The following RAI14 variants were observed in gnomAD, a reference collection of about 807,000 sequenced individuals.
The protein encoded by RAI14 is ankycorbin.
Under a neutral mutation model 115.4 loss-of-function variants are expected in RAI14, and 45 were observed. The observed-to-expected ratio is 0.39, with a 90% CI of 0.31 to 0.50. The LOEUF is 0.50. Among genes scored for constraint, RAI14 ranks in the 20% least tolerant of loss-of-function variants. The probability of loss-of-function intolerance (pLI) is 0.85; values close to 1 mark genes in which losing one functional copy is unlikely to be tolerated. For missense variants in RAI14, 939 were observed against 1,131.2 expected (o/e 0.83, Z 2.44); for synonymous variants, 371 against 415.4 (o/e 0.89, Z 1.30).
rs1485582219 is a variant in RAI14 at position 34,827,655 on chromosome 5, G to C, written c.2799+1176G>C. ...TAGAAATGGTGGATACTTAGGAGAAGCTGCTCTTTACTGTGTTCTGCAGGT... is the reference window on the plus strand; with the variant it reads ...TAGAAATGGTGGATACTTAGGAGAACCTGCTCTTTACTGTGTTCTGCAGGT... On this transcript the variant is annotated intron_variant, in intron 16 of 17. Coordinates refer to ENST00000265109, the MANE Select transcript of RAI14 (RefSeq NM_015577.3). This position sits in a 1 kb window ranked among gnomAD's most constrained non-coding sequence, Gnocchi z 4.2. Among the ~76,000 whole-genome samples, 1 of 152,210 alleles carries C rather than the reference G, an allele frequency of 6.6e-6. No individual in the cohort carries two copies. Among genetic ancestry groups the C allele is most frequent in the African/African-American group, 2.4e-5 (1 of 41,448 alleles).
intron 2 of RAI14, among the ~76,000 whole-genome samples, chr5:34,741,907 G>A (rs1745565738): frequency 6.6e-6 from 1 of 152,168 alleles, no homozygotes; most frequent in Admixed American, 6.5e-5. Flanking sequence ...CTCTTCCATG[G>A]TTTTATGAAG....
At chr5:34,755,414 C>T (rs1336061647) in intron 2 of RAI14, among the ~76,000 whole-genome samples, 1 of 152,152 alleles carries the variant, frequency 6.6e-6, no homozygotes, top group Admixed American at 6.5e-5. Context: ...TACATGGTGG[C>T]CTCTGGCTAA....
chr5:34,740,608 G>T (rs1469388369), intron 2 of RAI14, among the ~76,000 whole-genome samples: 8 of 152,148 alleles, frequency 5.3e-5, no homozygotes, highest in African/African-American at 2.4e-5. Flanking sequence ...GCCTTCATGG[G>T]CTTGCCTTGG....
chr5:34,821,601 C>A, intron 13 of RAI14, 131 bp from the exon 14 acceptor site: 1 of 609,108 alleles, frequency 1.6e-6, no homozygotes, highest in Non-Finnish European at 2.9e-6. Flanking sequence ...GTTCACCCAT[C>A]CAGCTGCTAG....
chr5:34,659,727 T>A (rs1311764236), intron 1 of RAI14, among the ~76,000 whole-genome samples: 2 of 152,242 alleles, frequency 1.3e-5, no homozygotes, highest in Non-Finnish European at 2.9e-5. Flanking sequence ...TAATGAAGTT[T>A]AGGTAATATT....
At chr5:34,736,161 G>C (rs1485454830) in intron 2 of RAI14, among the ~76,000 whole-genome samples, 1 of 152,218 alleles carries the variant, frequency 6.6e-6, no homozygotes, top group Non-Finnish European at 1.5e-5. Flanking sequence ...AGCACTTTCG[G>C]AGGCCAAGGC....
intron 5 of RAI14, 44 bp from the exon 6 acceptor site, chr5:34,807,756 G>A (rs754782319): frequency 2.1e-6 from 3 of 1,407,798 alleles, no homozygotes; most frequent in South Asian, 2.3e-5. Context: ...TAGAATTGGG[G>A]CAGGGTATTT....
At chr5:34,707,446 G>C (rs190636888) in intron 2 of RAI14, among the ~76,000 whole-genome samples, 1 of 152,162 alleles carries the variant, frequency 6.6e-6, no homozygotes, top group African/African-American at 2.4e-5. Flanking sequence ...CCAGCCTGGC[G>C]ACAGAGCGAG....
At chr5:34,795,721 A>T (rs1393267801) in intron 3 of RAI14, among the ~76,000 whole-genome samples, 1 of 152,128 alleles carries the variant, frequency 6.6e-6, no homozygotes, top group Admixed American at 6.5e-5. Flanking sequence ...TCCATCCCTT[A>T]ACTAAAGCTG....
intron 1 of RAI14, among the ~76,000 whole-genome samples, chr5:34,661,584 A>G (rs1742690492): frequency 6.6e-6 from 1 of 152,098 alleles, no homozygotes; most frequent in South Asian, 2.1e-4. Flanking sequence ...AATCTATGTG[A>G]TTTATCCTAT....
intron 1 of RAI14, 128 bp from the exon 2 acceptor site, chr5:34,686,744 C>T: frequency 2.2e-6 from 1 of 455,956 alleles, no homozygotes; most frequent in Non-Finnish European, 3.9e-6. Flanking sequence ...TACCACTCCT[C>T]AGCTGTTAAC....
chr5:34,752,784 TTG>T lies in RAI14; in HGVS notation c.37-4683_37-4682del, dbSNP rs1240379055. Among the ~76,000 whole-genome samples, 3 of 145,882 alleles carry T rather than the reference TTG, an allele frequency of 2.1e-5. No individual in the cohort carries two copies. The East Asian group carries it at 6.0e-4, about 29-fold the overall frequency. ...ATATATATGTATCTTTTCTTTTTTTTTGAGACAAGGTCTTGGGTTGTCGCCCA... is the reference window on the plus strand; with the variant it reads ...ATATATATGTATCTTTTCTTTTTTTTAGACAAGGTCTTGGGTTGTCGCCCA... On this transcript the variant is annotated intron_variant, in intron 2 of 17. Coordinates refer to ENST00000265109, the MANE Select transcript of RAI14 (RefSeq NM_015577.3).
intron 1 of RAI14, among the ~76,000 whole-genome samples, chr5:34,659,720 TGAA>T (rs1384896622): frequency 6.6e-6 from 1 of 152,238 alleles, no homozygotes; most frequent in Non-Finnish European, 1.5e-5. Flanking sequence ...TGCTGGGTAA[TGAA>T]GTTTAGGTAA....
At chr5:34,672,165 A>T (rs758253888) in intron 1 of RAI14, among the ~76,000 whole-genome samples, 34 of 151,712 alleles carry the variant, frequency 2.2e-4, no homozygotes, top group Non-Finnish European at 4.0e-4. Context: ...CTTTTTATTT[A>T]AAAAAAAACT....
rs1199611132 is a variant in RAI14 at position 34,827,792 on chromosome 5, T to C, written c.2799+1313T>C. On this transcript the variant is annotated intron_variant, in intron 16 of 17. Transcript: ENST00000265109. This position sits in a 1 kb window ranked among gnomAD's most constrained non-coding sequence, Gnocchi z 4.2. ...TGTTTGTTGAGCTCTTACATCAGTA[T>C]TATACATGGGGCTGATGATATAAAA... Among the ~76,000 whole-genome samples the C allele has an allele frequency of 2.0e-5, 3 of 152,218 alleles. No homozygotes were observed.
At position 34,782,744 on chromosome 5, in the gene RAI14, T is replaced by A. The variant is rs114075867; in HGVS notation, c.168-13195T>A. On this transcript the variant is annotated intron_variant, in intron 3 of 17. Coordinates refer to ENST00000265109, the MANE Select transcript of RAI14 (RefSeq NM_015577.3). Reference sequence around the variant, plus strand: ...CAGATAATAGGAACTTTTGCCATATTCCTTATCATTTCTACCATCTGACCA... The same window carrying A: ...CAGATAATAGGAACTTTTGCCATATACCTTATCATTTCTACCATCTGACCA... 6.7e-3 allele frequency among the ~76,000 whole-genome samples: 1,020 copies of A among 152,322 alleles called. 6 individuals are homozygous for A. The highest frequency in any genetic ancestry group is 0.011 in the Non-Finnish European group (724 of 68,014).
In RAI14 at chr5:34,796,046, CTT is replaced by C; in HGVS notation, c.256+20_256+21del. 3.2e-6 allele frequency: 5 copies of C among 1,572,970 alleles called. No homozygotes were observed. Among genetic ancestry groups the C allele is most frequent in the Non-Finnish European group, 4.4e-6 (5 of 1,144,326 alleles). On this transcript the variant is annotated intron_variant, in intron 4 of 17. Transcript: ENST00000265109. ...ACTACCGGTATGTGGTTTTTAGTCT[CTT>C]AAGTCAGCAGGCCAGCACCAGATTA...
chr5:34,738,530 G>A (rs1745136111), intron 2 of RAI14, among the ~76,000 whole-genome samples: 1 of 152,160 alleles, frequency 6.6e-6, no homozygotes, highest in Non-Finnish European at 1.5e-5. Context: ...TCCCTTGTTT[G>A]CTTGGTGTGC....
rs544758183 is a variant in RAI14, at chr5:34,830,640, A to G, written c.2866-48A>G. Reference sequence around the variant, plus strand: ...CTCATTCCCCAGAGAAGAAAGTGCCATGGCTTAATTTAGGTTCTAATGAGT... The same window carrying G: ...CTCATTCCCCAGAGAAGAAAGTGCCGTGGCTTAATTTAGGTTCTAATGAGT... On this transcript the variant is annotated intron_variant, in intron 17 of 17. Transcript: ENST00000265109. The G allele has an allele frequency of 3.1e-6, 5 of 1,612,448 alleles. No individual in the cohort carries two copies. In the East Asian group the frequency reaches 6.7e-5, roughly 22 times the overall value.
Sources: allele counts gnomAD v4.1 joint callset (sites outside exome capture counted in the v4.1 genomes callset), GRCh38; gene constraint gnomAD v4.1.1; non-coding constraint Gnocchi (gnomAD v3.1); transcripts MANE v1.5; gene names NCBI Gene and HGNC (gene_info 2026-07-23, HGNC 2026-07-21).